The following NUP214 variants were observed in gnomAD, a reference collection of about 807,000 sequenced individuals.
NUP214 encodes nuclear pore complex protein Nup214.
NUP214 carries 79 observed loss-of-function variants against 196.2 expected under a neutral mutation model. The observed-to-expected ratio is 0.40, with a 90% CI of 0.34 to 0.49. NUP214 has a LOEUF of 0.49. NUP214 is among the 20% of genes least tolerant of loss of function. The pLI is 0.58. For synonymous variants in NUP214, 1,020 were observed against 990.5 expected (o/e 1.03, Z -0.56); for missense variants, 2,468 against 2,539.0 (o/e 0.97, Z 0.60).
intron 6 of NUP214, 67 bp from the exon 7 acceptor site, chr9:131,133,038 TA>T: frequency 8.5e-7 from 1 of 1,182,532 alleles, no homozygotes; most frequent in Non-Finnish European, 1.3e-6. Flanking sequence ...ATTCCAAACA[TA>T]AGCTGCTTTT....
rs758214127 is a variant in NUP214 at position 131,198,970 on chromosome 9, A to G, written c.5476A>G (p.Thr1826Ala). 6.8e-6 allele frequency: 11 copies of G among 1,612,546 alleles called. 1 individual carries two copies. In the East Asian group the frequency reaches 2.0e-4, roughly 29 times the overall value. ...TGTCTTTGGTGGTACCTCAGCTGCC[A>G]CCACAACAGCAGCAACCTCTGGGTT... ...GSVFGGTSAA[T>A]TTAATSGFSF... The change falls in exon 29 of 36, where the codon ACC becomes GCC. Residue 1826 changes from threonine (T) to alanine (A), a missense_variant. By Grantham distance (58) the Thr-to-Ala change is moderately conservative. Coordinates refer to ENST00000359428, the MANE Select transcript of NUP214 (RefSeq NM_005085.4).
intron 24 of NUP214, among the ~76,000 whole-genome samples, chr9:131,181,014 A>G (rs7032938): frequency 0.92 from 139,246 of 152,166 alleles, 64,469 homozygotes; most frequent in East Asian, 1. Context: ...TATGTAATAT[A>G]TTAGATGGTG....
chr9:131,151,420 T>C (rs1474150266), intron 16 of NUP214, among the ~76,000 whole-genome samples: 1 of 152,214 alleles, frequency 6.6e-6, no homozygotes, highest in African/African-American at 2.4e-5. Context: ...TCTTAAATAG[T>C]GTGTTTGGAA....
intron 10 of NUP214, 66 bp downstream of exon 10, chr9:131,139,473 C>A: frequency 3.2e-6 from 5 of 1,574,760 alleles, no homozygotes; most frequent in Non-Finnish European, 4.3e-6. Flanking sequence ...TATTGAAACA[C>A]CAGTTACATG....
chr9:131,174,008 G>T (rs1201242995), intron 21 of NUP214, 47 bp from the exon 22 acceptor site: 1 of 1,583,116 alleles, frequency 6.3e-7, no homozygotes, highest in Non-Finnish European at 8.5e-7. Flanking sequence ...TAGCTTTTGG[G>T]CTTGCTTTGA....
At chr9:131,194,430 G>T (rs184385636) in intron 27 of NUP214, among the ~76,000 whole-genome samples, 2 of 152,156 alleles carry the variant, frequency 1.3e-5, no homozygotes, top group African/African-American at 4.8e-5. Context: ...TAGAAACAGG[G>T]TTCCACCATG....
In NUP214 at chr9:131,198,590, C is replaced by G. The variant is rs1174472572; in HGVS notation, c.5096C>G (p.Ala1699Gly). The G allele has an allele frequency of 6.2e-7, 1 of 1,614,246 alleles. No homozygotes were observed. The highest frequency in any genetic ancestry group is 1.3e-5 in the African/African-American group (1 of 75,064). ...QTGSTASTAA[A>G]TPQVSSSGFS... is the part of the protein sequence containing the mutation. ...GGTAGCACAGCCAGCACAGCAGCTGCCACACCACAGGTCAGCAGCTCAGGG... is the reference window on the plus strand; with the variant it reads ...GGTAGCACAGCCAGCACAGCAGCTGGCACACCACAGGTCAGCAGCTCAGGG... The change falls in exon 29 of 36, where the codon GCC becomes GGC. Residue 1699 changes from alanine (A) to glycine (G), a missense_variant. Transcript: ENST00000359428.
At chr9:131,201,815 A>G in intron 30 of NUP214, 98 bp downstream of exon 30, 1 of 997,022 alleles carries the variant, frequency 1.0e-6, no homozygotes, top group Non-Finnish European at 1.6e-6. Flanking sequence ...ATCTAAATCC[A>G]GCAAATATAG....
chr9:131,232,301 A>G lies in NUP214; in HGVS notation c.6232A>G (p.Asn2078Asp), dbSNP rs775210925. Reference protein sequence around the residue: ...SGTGGFSFGSNNSSVQGFGGW... With the variant: ...SGTGGFSFGSDNSSVQGFGGW... The stretch of plus-strand genomic sequence containing the variant: ...CTTTTCAGGGTTCAGCTTTGGGTCA[A>G]ATAACTCGTAAGTATCCCCCTTTTT... Residue 2078 changes from asparagine (N) to aspartate (D), a missense_variant, in exon 35 of 36, where the codon AAT becomes GAT. Asn to Asp is a conservative substitution (Grantham distance 23). Around this residue, in one of 5 missense-constraint regions of NUP214, gnomAD observed 262 missense variants for 296.5 expected, o/e 0.88. Coordinates refer to ENST00000359428, the MANE Select transcript of NUP214 (RefSeq NM_005085.4). The surrounding 1 kb of genome is among the most constrained non-coding windows in gnomAD (Gnocchi z 5.1). 2 of 1,614,178 alleles carry G rather than the reference A, an allele frequency of 1.2e-6. No homozygotes were observed. The highest frequency in any genetic ancestry group is 1.1e-5 in the South Asian group (1 of 91,080).
chr9:131,144,073 T>A lies in NUP214; in HGVS notation c.1295-207T>A, dbSNP rs557771660. On this transcript the variant is annotated intron_variant, in intron 11 of 35. Transcript: ENST00000359428. ...TCCATGAAGTCCAATTATTCTAATG[T>A]CTTTCCTTAGTTTTCCTTCAGTTTC... 1.2e-4 allele frequency among the ~76,000 whole-genome samples: 19 copies of A among 152,334 alleles called. No individual in the cohort carries two copies. In the East Asian group the frequency reaches 3.7e-3, roughly 29 times the overall value.
intron 23 of NUP214, among the ~76,000 whole-genome samples, chr9:131,176,045 TA>T (rs1452708406): frequency 1.3e-5 from 2 of 152,148 alleles, no homozygotes; most frequent in Non-Finnish European, 2.9e-5. Context: ...TGGCTGGGCA[TA>T]GTGACTCATG....
intron 25 of NUP214, among the ~76,000 whole-genome samples, chr9:131,187,700 T>G (rs561296344): frequency 1.8e-4 from 28 of 152,222 alleles, no homozygotes; most frequent in Non-Finnish European, 8.8e-5. Context: ...GTTTTACTTT[T>G]AACATTCATG....
At chr9:131,202,355 G>T (rs1285816406) in intron 30 of NUP214, among the ~76,000 whole-genome samples, 1 of 152,144 alleles carries the variant, frequency 6.6e-6, no homozygotes, top group Non-Finnish European at 1.5e-5. Flanking sequence ...GTGTTTGTGT[G>T]TGTGTGTCTA....
At chr9:131,197,120 GGAGA>G (rs2131043997) in intron 28 of NUP214, 92 bp from the exon 29 acceptor site, 4 of 1,524,912 alleles carry the variant, frequency 2.6e-6, no homozygotes, top group Non-Finnish European at 3.5e-6. Flanking sequence ...TGTAGAGGGA[GGAGA>G]GAAACTTTGG....
intron 12 of NUP214, among the ~76,000 whole-genome samples, chr9:131,145,926 A>G (rs1331976470): frequency 6.6e-6 from 1 of 152,260 alleles, no homozygotes; most frequent in African/African-American, 2.4e-5. Flanking sequence ...CTAAATAAGC[A>G]GACGAAAAGA....
At chr9:131,132,379 G>T (rs1831583388) in intron 5 of NUP214, among the ~76,000 whole-genome samples, 1 of 152,058 alleles carries the variant, frequency 6.6e-6, no homozygotes, top group South Asian at 2.1e-4. Context: ...CTCCCAAAGT[G>T]TTGAGATTAC....
At chr9:131,221,011 T>G (rs911793589) in intron 31 of NUP214, among the ~76,000 whole-genome samples, 10 of 152,210 alleles carry the variant, frequency 6.6e-5, no homozygotes, top group Non-Finnish European at 1.3e-4. Flanking sequence ...TATTTGAATT[T>G]TGCATTGCTA....
chr9:131,222,551 C>A, intron 31 of NUP214: 1 of 418,670 alleles, frequency 2.4e-6, no homozygotes, highest in Non-Finnish European at 4.2e-6. Context: ...AAAATCATGC[C>A]AGGAAATCCT....
In NUP214 at chr9:131,168,125, C is replaced by T. The variant is rs1416227925; in HGVS notation, c.2893+3981C>T. On this transcript the variant is annotated intron_variant, in intron 21 of 35. Coordinates refer to ENST00000359428, the MANE Select transcript of NUP214 (RefSeq NM_005085.4). ...GGCTGATCTTGAACTCCTGGCCTTA[C>T]GTGATCTTCCTGCCTCAGCTTCCCA... 5.3e-5 allele frequency among the ~76,000 whole-genome samples: 8 copies of T among 152,270 alleles called. No individual in the cohort carries two copies. In the East Asian group the frequency reaches 9.7e-4, roughly 18 times the overall value.
Sources: allele counts gnomAD v4.1 joint callset (sites outside exome capture counted in the v4.1 genomes callset), GRCh38; gene constraint gnomAD v4.1.1; regional missense constraint gnomAD v4.1.1; non-coding constraint Gnocchi (gnomAD v3.1); transcripts MANE v1.5; gene names NCBI Gene and HGNC (gene_info 2026-07-23, HGNC 2026-07-21).